ACAD11: variants seen among roughly 807,000 people sequenced by gnomAD.
The protein encoded by ACAD11 is acyl-CoA dehydrogenase family member 11.
A neutral mutation model predicts 102.2 loss-of-function variants in ACAD11; 83 were observed. That is an observed-to-expected ratio of 0.81 (90% confidence interval 0.68 to 0.97). The LOEUF is 0.97. ACAD11 is among the 50% of genes least tolerant of loss of function. ACAD11 has a pLI of 0.00. For synonymous variants in ACAD11, 324 were observed against 319.8 expected (o/e 1.01, Z -0.14); for missense variants, 901 against 951.7 (o/e 0.95, Z 0.70).
At chr3:132,565,292 C>A (rs908155589) in intron 17 of ACAD11, among the ~76,000 whole-genome samples, 5 of 152,090 alleles carry the variant, frequency 3.3e-5, no homozygotes, top group East Asian at 1.9e-4. Context: ...AGTAATAAGT[C>A]CCCCCAACCC....
intron 9 of ACAD11, among the ~76,000 whole-genome samples, chr3:132,622,851 A>C (rs769114253): frequency 6.6e-6 from 1 of 152,188 alleles, no homozygotes; most frequent in Non-Finnish European, 1.5e-5. Context: ...TGAGCCTACA[A>C]ATAATTTTGC....
At chr3:132,571,470 A>G (rs1252332062) in intron 17 of ACAD11, among the ~76,000 whole-genome samples, 3 of 151,210 alleles carry the variant, frequency 2.0e-5, no homozygotes, top group Non-Finnish European at 4.4e-5. Context: ...CTCTGTTGAT[A>G]GTTTCTTTTG....
intron 8 of ACAD11, 29 bp from the exon 9 acceptor site, chr3:132,626,846 G>T: frequency 6.3e-7 from 1 of 1,591,646 alleles, no homozygotes; most frequent in Non-Finnish European, 8.5e-7. Context: ...GGAAAAAAAG[G>T]TTACAAAGAT....
intron 18 of ACAD11, 87 bp downstream of exon 18, chr3:132,561,014 G>A: frequency 1.0e-6 from 1 of 1,001,380 alleles, no homozygotes. Context: ...GTGCCATCAA[G>A]ATGCCATGAA....
chr3:132,632,327 C>T (rs555362478), intron 5 of ACAD11, among the ~76,000 whole-genome samples: 9 of 152,106 alleles, frequency 5.9e-5, no homozygotes, highest in African/African-American at 7.2e-5. Flanking sequence ...CCTCATGATC[C>T]GCCCGCCTTG....
At chr3:132,576,062 TA>T in intron 16 of ACAD11, 136 bp from the exon 17 acceptor site, 1 of 905,914 alleles carries the variant, frequency 1.1e-6, no homozygotes, top group Non-Finnish European at 1.6e-6. Context: ...GTCAGTTCTA[TA>T]ATAAGGTTCA....
intron 13 of ACAD11, among the ~76,000 whole-genome samples, chr3:132,599,045 G>A (rs913002814): frequency 2.0e-5 from 3 of 152,186 alleles, no homozygotes; most frequent in African/African-American, 7.2e-5. Flanking sequence ...AGGTGCAGTG[G>A]CTCATGCCTG....
chr3:132,600,487 C>T, intron 13 of ACAD11: 2 of 1,613,808 alleles, frequency 1.2e-6, no homozygotes, highest in South Asian at 2.2e-5. Context: ...ATGAACTGAT[C>T]TGTATCAAAG....
chr3:132,636,582 C>T (rs1940282107), intron 5 of ACAD11, among the ~76,000 whole-genome samples: 1 of 152,046 alleles, frequency 6.6e-6, no homozygotes, highest in African/African-American at 2.4e-5. Context: ...ATAGGACATG[C>T]ATAGTTGTTA....
chr3:132,576,778 G>A (rs1240687332), intron 16 of ACAD11, among the ~76,000 whole-genome samples, 166 bp downstream of exon 16: 1 of 152,128 alleles, frequency 6.6e-6, no homozygotes, highest in African/African-American at 2.4e-5. Flanking sequence ...CAATTACCTT[G>A]GTGCAAAAGT....
chr3:132,610,083 T>C (rs1453758010), intron 11 of ACAD11, among the ~76,000 whole-genome samples: 2 of 152,116 alleles, frequency 1.3e-5, no homozygotes, highest in Non-Finnish European at 2.9e-5. Flanking sequence ...AAACACCCCT[T>C]CATGCAAAAA....
chr3:132,602,832 C>T (rs1269847895), intron 13 of ACAD11, among the ~76,000 whole-genome samples: 1 of 152,042 alleles, frequency 6.6e-6, no homozygotes, highest in Non-Finnish European at 1.5e-5. Flanking sequence ...GACAGAGTTT[C>T]GCTCTTGTTG....
Position 132,559,947 on chromosome 3 carries a change from A to G in ACAD11, c.2119-5T>C. On this transcript the variant is annotated splice_region_variant and splice_polypyrimidine_tract_variant and intron_variant, in intron 18 of 19. Transcript: ENST00000264990. ...AGCCACTTTGATCATTGCAATCTAT[A>G]TAAGCAAAATATGAAAAGAATGCTT... The G allele has an allele frequency of 3.1e-6, 5 of 1,603,868 alleles. No individual in the cohort carries two copies. Among genetic ancestry groups the G allele is most frequent in the East Asian group, 2.2e-5 (1 of 44,670 alleles).
chr3:132,625,800 G>A (rs1386522640), intron 9 of ACAD11, among the ~76,000 whole-genome samples: 8 of 152,134 alleles, frequency 5.3e-5, no homozygotes, highest in Non-Finnish European at 8.8e-5. Flanking sequence ...CAGGCTAGCT[G>A]TAGACCTCTC....
rs189752087 is a variant in ACAD11, at chr3:132,568,598, G to A, written c.2001+7174C>T. 4.6e-5 allele frequency among the ~76,000 whole-genome samples: 7 copies of A among 152,240 alleles called. No individual in the cohort carries two copies. The East Asian group carries it at 1.3e-3, about 29-fold the overall frequency. ...GAGGAATCAGCCTAGCTTATTTGAA[G>A]ACTGACTATGTAACCACAGTAATCA... On this transcript the variant is annotated intron_variant, in intron 17 of 19. Coordinates refer to ENST00000264990, the MANE Select transcript of ACAD11 (RefSeq NM_032169.5).
At chr3:132,615,700 T>G (rs1003443477) in intron 11 of ACAD11, among the ~76,000 whole-genome samples, 1 of 152,092 alleles carries the variant, frequency 6.6e-6, no homozygotes, top group African/African-American at 2.4e-5. Flanking sequence ...AGGGGAGAGA[T>G]AGCATTAAGA....
rs746626877 is a variant in ACAD11 at position 132,578,841 on chromosome 3, G to A, written c.1729C>T (p.Pro577Ser). The A allele has an allele frequency of 5.0e-6, 8 of 1,613,052 alleles. No individual in the cohort carries two copies. The highest frequency in any genetic ancestry group is 1.1e-5 in the South Asian group (1 of 90,956). The change falls in exon 15 of 20, where the codon CCT (proline) becomes TCT (serine). Residue 577 changes from proline (P) to serine (S), a missense_variant. Pro to Ser is a moderately conservative substitution (Grantham distance 74). Coordinates refer to ENST00000264990, the MANE Select transcript of ACAD11 (RefSeq NM_032169.5). ...AAAGGCCTTATTATTTTTACTCCAGGTGTGTTCATGGGAACAAGAATCATG... is the reference window on the plus strand; with the variant it reads ...AAAGGCCTTATTATTTTTACTCCAGATGTGTTCATGGGAACAAGAATCATG... ...HSMILVPMNT[P>S]GVKIIRPLSV...
At chr3:132,564,544 A>G (rs1353908552) in intron 17 of ACAD11, among the ~76,000 whole-genome samples, 2 of 152,106 alleles carry the variant, frequency 1.3e-5, no homozygotes, top group African/African-American at 4.8e-5. Context: ...TGTTAACTTT[A>G]TGTGCTTTGT....
chr3:132,631,544 A>C, intron 5 of ACAD11, 65 bp from the exon 6 acceptor site: 1 of 1,196,278 alleles, frequency 8.4e-7, no homozygotes, highest in Non-Finnish European at 1.1e-6. Flanking sequence ...TAAAGAAATA[A>C]ATAACATTGA....
Sources: allele counts gnomAD v4.1 joint callset (sites outside exome capture counted in the v4.1 genomes callset), GRCh38; gene constraint gnomAD v4.1.1; transcripts MANE v1.5; gene names NCBI Gene and HGNC (gene_info 2026-07-23, HGNC 2026-07-21).